The following CBLB variants were observed in gnomAD, a reference collection of about 807,000 sequenced individuals.
CBLB encodes the protein Cbl proto-oncogene B, also known as E3 ubiquitin-protein ligase CBL-B.
A neutral mutation model predicts 104.9 loss-of-function variants in CBLB; 31 were observed. The observed-to-expected ratio is 0.30, with a 90% CI of 0.22 to 0.40. The LOEUF (loss-of-function observed/expected upper bound fraction) is 0.40. Among genes scored for constraint, CBLB ranks in the 10% least tolerant of loss-of-function variants. The pLI, the probability that CBLB is intolerant of heterozygous loss-of-function variation, is 1.00. For missense variants in CBLB, 1,062 were observed against 1,214.6 expected (o/e 0.87, Z 1.87); for synonymous variants, 440 against 422.6 (o/e 1.04, Z -0.51).
chr3:105,796,241 T>C (rs945585453), intron 3 of CBLB, among the ~76,000 whole-genome samples: 1 of 151,950 alleles, frequency 6.6e-6, no homozygotes, highest in Non-Finnish European at 1.5e-5. Flanking sequence ...GGTACAAAAA[T>C]AGATACAAAG....
chr3:105,678,313 A>G (rs2065892800), intron 17 of CBLB, 118 bp downstream of exon 17: 3 of 995,986 alleles, frequency 3.0e-6, no homozygotes. Context: ...CCACCCAGGG[A>G]TTTTTCTGTT....
intron 10 of CBLB, among the ~76,000 whole-genome samples, chr3:105,718,715 A>C (rs1242158504): frequency 6.6e-6 from 1 of 152,170 alleles, no homozygotes; most frequent in Non-Finnish European, 1.5e-5. Flanking sequence ...GCCAAGTCTG[A>C]ACTCAGCGGC....
intron 11 of CBLB, among the ~76,000 whole-genome samples, chr3:105,703,550 CT>C (rs1288737156): frequency 6.6e-6 from 1 of 152,014 alleles, no homozygotes; most frequent in Non-Finnish European, 1.5e-5. Flanking sequence ...ATATAATTCC[CT>C]CTTCTGAGTC....
intron 3 of CBLB, among the ~76,000 whole-genome samples, chr3:105,829,666 CAAAAAAAAAAAAAA>C (rs71627689): frequency 1.5e-4 from 7 of 47,018 alleles, no homozygotes; most frequent in African/African-American, 4.6e-4. Context: ...AAGACCGTCC[CAAAAAAAAAAAAAA>C]AAAAAAAAAA....
chr3:105,773,025 T>C (rs558731978), intron 4 of CBLB, among the ~76,000 whole-genome samples: 70 of 152,228 alleles, frequency 4.6e-4, no homozygotes, highest in African/African-American at 1.7e-3. Context: ...AATCCAGCAA[T>C]CCACTGCCAG....
intron 3 of CBLB, among the ~76,000 whole-genome samples, chr3:105,804,186 T>C (rs1230776824): frequency 6.6e-6 from 1 of 152,156 alleles, no homozygotes; most frequent in Non-Finnish European, 1.5e-5. Context: ...TAAATTGAAA[T>C]AGGCTATAAA....
At chr3:105,823,460 A>G (rs2086154453) in intron 3 of CBLB, among the ~76,000 whole-genome samples, 1 of 152,174 alleles carries the variant, frequency 6.6e-6, no homozygotes, top group South Asian at 2.1e-4. Flanking sequence ...TTTTCATATC[A>G]CAAACTATTT....
chr3:105,685,655 C>A (rs927557809), intron 13 of CBLB, among the ~76,000 whole-genome samples, 189 bp from the exon 14 acceptor site: 4 of 152,032 alleles, frequency 2.6e-5, no homozygotes, highest in Non-Finnish European at 5.9e-5. Context: ...TTGTTAAGAC[C>A]CTTGATGGGA....
intron 5 of CBLB, among the ~76,000 whole-genome samples, chr3:105,748,888 C>T (rs1373379294): frequency 1.3e-5 from 2 of 152,170 alleles, no homozygotes; most frequent in Admixed American, 6.5e-5. Context: ...GTACCTTGCT[C>T]ACCTTCAGTT....
chr3:105,799,551 G>A lies in CBLB; in HGVS notation c.420-23009C>T, dbSNP rs895566375. 9.2e-5 allele frequency among the ~76,000 whole-genome samples: 14 copies of A among 152,196 alleles called. No individual in the cohort carries two copies. In the South Asian group the frequency reaches 1.7e-3, roughly 18 times the overall value. On this transcript the variant is annotated intron_variant, in intron 3 of 18. Transcript: ENST00000394030. ...TCACCATTTTGATTTGCAACATAAC[G>A]TTTGTGCTGTTATCTCTGGATGATA...
chr3:105,736,679 G>A (rs954625165), intron 8 of CBLB, among the ~76,000 whole-genome samples: 1 of 152,064 alleles, frequency 6.6e-6, no homozygotes, highest in Admixed American at 6.5e-5. Context: ...AATTTAAAGT[G>A]AAAAGATATT....
At chr3:105,793,426 G>T (rs970211380) in intron 3 of CBLB, among the ~76,000 whole-genome samples, 1 of 150,496 alleles carries the variant, frequency 6.6e-6, no homozygotes, top group Non-Finnish European at 1.5e-5. Context: ...ATGGAGGAAG[G>T]TGTTCCTTCC....
intron 3 of CBLB, among the ~76,000 whole-genome samples, chr3:105,781,583 A>T (rs528750428): frequency 6.6e-6 from 1 of 152,344 alleles, no homozygotes; most frequent in African/African-American, 2.4e-5. Flanking sequence ...ATATATCAAG[A>T]TTTGATTAGT....
intron 4 of CBLB, among the ~76,000 whole-genome samples, chr3:105,757,649 A>T (rs1346320594): frequency 6.6e-6 from 1 of 152,212 alleles, no homozygotes; most frequent in Non-Finnish European, 1.5e-5. Flanking sequence ...ATTTTAAAAA[A>T]TATTACACTA....
intron 17 of CBLB, among the ~76,000 whole-genome samples, chr3:105,676,974 C>T (rs963127899): frequency 6.6e-6 from 1 of 152,170 alleles, no homozygotes; most frequent in African/African-American, 2.4e-5. Flanking sequence ...TTTTCTGAGG[C>T]CTCCCCAGGC....
intron 3 of CBLB, among the ~76,000 whole-genome samples, chr3:105,845,695 A>C (rs2090158693): frequency 6.6e-6 from 1 of 152,040 alleles, no homozygotes; most frequent in Non-Finnish European, 1.5e-5. Context: ...GCAAGCTCTC[A>C]CCTGCCTCCC....
chr3:105,787,027 G>T (rs2152988016), intron 3 of CBLB, among the ~76,000 whole-genome samples: 1 of 152,220 alleles, frequency 6.6e-6, no homozygotes, highest in Non-Finnish European at 1.5e-5. Flanking sequence ...TCTTTTTAAA[G>T]CATTGAGACT....
chr3:105,706,576 G>C (rs2070180610), intron 10 of CBLB, among the ~76,000 whole-genome samples: 1 of 152,084 alleles, frequency 6.6e-6, no homozygotes. Flanking sequence ...CTCATGTAAA[G>C]CTATTTGCAT....
chr3:105,718,712 C>G (rs2072297357), intron 10 of CBLB, among the ~76,000 whole-genome samples: 1 of 152,178 alleles, frequency 6.6e-6, no homozygotes, highest in African/African-American at 2.4e-5. Flanking sequence ...TTGGCCAAGT[C>G]TGAACTCAGC....
Sources: gnomAD v4.1 joint callset for allele counts (sites outside exome capture counted in the v4.1 genomes callset) on GRCh38, gnomAD v4.1.1 for gene constraint, MANE v1.5 for transcripts, NCBI Gene and HGNC (gene_info 2026-07-23, HGNC 2026-07-21) for gene names.